Variants in SAMMSON observed in about 807,000 individuals in gnomAD.
SAMMSON encodes survival associated mitochondrial melanoma specific oncogenic non-coding RNA.
intron 9 of SAMMSON, among the ~76,000 whole-genome samples, chr3:70,364,820 TTTG>T (rs1200361989): frequency 6.6e-6 from 1 of 151,796 alleles, no homozygotes. Context: ...CTTACTGTAG[TTTG>T]TTTTCTCTCT....
At chr3:70,116,207 G>A (rs9855111) in intron 4 of SAMMSON, among the ~76,000 whole-genome samples, 40,640 of 151,052 alleles carry the variant, frequency 0.27, 5,744 homozygotes, top group East Asian at 0.43. Context: ...TCTGAGCACA[G>A]ATATTGGAAA....
chr3:70,428,623 C>T (rs771396292), intron 2 of SAMMSON, among the ~76,000 whole-genome samples: 2 of 152,118 alleles, frequency 1.3e-5, no homozygotes, highest in East Asian at 1.9e-4. Flanking sequence ...TTATATAGGA[C>T]GCTAGCATAG....
At chr3:70,100,564 A>G (rs1157948429) in intron 4 of SAMMSON, among the ~76,000 whole-genome samples, 1 of 152,058 alleles carries the variant, frequency 6.6e-6, no homozygotes, top group African/African-American at 2.4e-5. Context: ...TGAAGTCTAG[A>G]AAAAAACTCA....
chr3:70,305,853 G>C (rs9858666), intron 7 of SAMMSON, among the ~76,000 whole-genome samples: 31,402 of 152,082 alleles, frequency 0.21, 3,422 homozygotes, highest in South Asian at 0.28. Flanking sequence ...GGAATGAGAT[G>C]AGATTTTTCT....
chr3:70,378,073 C>G (rs927104912), intron 9 of SAMMSON, among the ~76,000 whole-genome samples: 2 of 151,792 alleles, frequency 1.3e-5, no homozygotes, highest in Non-Finnish European at 2.9e-5. Context: ...TCTTTCCCAG[C>G]AATTCCCCTT....
At chr3:70,052,640 A>C (rs1236690701) in intron 3 of SAMMSON, among the ~76,000 whole-genome samples, 2 of 152,066 alleles carry the variant, frequency 1.3e-5, no homozygotes, top group Non-Finnish European at 2.9e-5. Flanking sequence ...GCATATTTGC[A>C]TGTATGTTTA....
At position 70,163,126 on chromosome 3, in the gene SAMMSON, T is replaced by C. The variant is rs545241399; in HGVS notation, n.508-85981T>C. On this transcript the variant is annotated intron_variant and non_coding_transcript_variant, in intron 4 of 9. Coordinates refer to ENST00000642114, the Ensembl canonical transcript of SAMMSON. ...AACCTCTATCTTTTGATTGGATGCT[T>C]AATCTATTCACATTCAACGCAATGA... Among the ~76,000 whole-genome samples the C allele has an allele frequency of 2.7e-5, 4 of 149,692 alleles. No individual in the cohort carries two copies. In the South Asian group the frequency reaches 6.4e-4, roughly 24 times the overall value.
intron 3 of SAMMSON, among the ~76,000 whole-genome samples, chr3:70,062,998 C>T (rs571079339): frequency 6.6e-6 from 1 of 152,084 alleles, no homozygotes; most frequent in South Asian, 2.1e-4. Context: ...CCTGGTGTCC[C>T]TTCTGCCCTT....
intron 4 of SAMMSON, among the ~76,000 whole-genome samples, chr3:70,100,781 T>C (rs971881277): frequency 6.6e-6 from 1 of 152,152 alleles, no homozygotes; most frequent in Non-Finnish European, 1.5e-5. Context: ...AAAATCAACA[T>C]ACCAAACTGT....
intron 4 of SAMMSON, among the ~76,000 whole-genome samples, chr3:70,116,547 C>T (rs116374079): frequency 0.013 from 1,898 of 151,636 alleles, 18 homozygotes; most frequent in Middle Eastern, 0.024. Flanking sequence ...GTTTCATTTG[C>T]TTAAAATGAA....
At chr3:70,190,835 A>G (rs1321663698) in intron 4 of SAMMSON, among the ~76,000 whole-genome samples, 1 of 152,168 alleles carries the variant, frequency 6.6e-6, no homozygotes, top group Non-Finnish European at 1.5e-5. Context: ...GCAGTTTTAC[A>G]AACTCACTTT....
At position 70,190,282 on chromosome 3, in the gene SAMMSON, C is replaced by T. The variant is rs570600861; in HGVS notation, n.508-58825C>T. Among the ~76,000 whole-genome samples the T allele has an allele frequency of 8.2e-4, 125 of 152,270 alleles. 1 individual carries two copies. Among genetic ancestry groups the T allele is most frequent in the Non-Finnish European group, 1.6e-3 (106 of 68,006 alleles). On this transcript the variant is annotated intron_variant and non_coding_transcript_variant, in intron 4 of 9. Coordinates refer to ENST00000642114, the Ensembl canonical transcript of SAMMSON. Reference sequence around the variant, plus strand: ...ACCATCCTATTTCAAGCCTTCATCACCCCATGCCTTATTGCAATTGCACCT... The same window carrying T: ...ACCATCCTATTTCAAGCCTTCATCATCCCATGCCTTATTGCAATTGCACCT...
intron 4 of SAMMSON, among the ~76,000 whole-genome samples, chr3:70,201,923 G>A (rs916053962): frequency 1.3e-5 from 2 of 152,152 alleles, no homozygotes; most frequent in Admixed American, 6.5e-5. Context: ...GAAAATTCAG[G>A]GTGCTTCTCC....
At chr3:70,412,632 C>A (rs1701229408) in intron 2 of SAMMSON, among the ~76,000 whole-genome samples, 1 of 152,134 alleles carries the variant, frequency 6.6e-6, no homozygotes. Flanking sequence ...TATTTTAACA[C>A]GATATTTCCT....
intron 3 of SAMMSON, among the ~76,000 whole-genome samples, chr3:70,025,513 G>A (rs980727053): frequency 1.3e-5 from 2 of 152,188 alleles, no homozygotes; most frequent in Non-Finnish European, 1.5e-5. Flanking sequence ...AAAGTGCTGG[G>A]ATTACAGGCA....
intron 6 of SAMMSON, among the ~76,000 whole-genome samples, chr3:70,270,444 T>G (rs1339048125): frequency 6.6e-6 from 1 of 152,176 alleles, no homozygotes; most frequent in African/African-American, 2.4e-5. Flanking sequence ...AGCACTAAGT[T>G]TTGTGTTTCA....
intron 1 of SAMMSON, among the ~76,000 whole-genome samples, chr3:70,001,882 T>G (rs751158762): frequency 1.3e-5 from 2 of 152,200 alleles, no homozygotes; most frequent in Non-Finnish European, 2.9e-5. Flanking sequence ...GGTAGCCGAT[T>G]CCTGTTCTGC....
intron 4 of SAMMSON, among the ~76,000 whole-genome samples, chr3:70,103,946 T>C (rs1409559869): frequency 2.6e-5 from 4 of 151,986 alleles, no homozygotes; most frequent in Non-Finnish European, 4.4e-5. Context: ...ACTATTTGCA[T>C]GAAAATAAAG....
chr3:70,174,425 G>C (rs992991930), intron 4 of SAMMSON, among the ~76,000 whole-genome samples: 7 of 151,880 alleles, frequency 4.6e-5, no homozygotes, highest in African/African-American at 1.7e-4. Flanking sequence ...CCAGGCTCAG[G>C]GTCCAGCCAA....
Sources: allele counts gnomAD v4.1 joint callset (sites outside exome capture counted in the v4.1 genomes callset), GRCh38; gene constraint gnomAD v4.1.1; transcripts MANE v1.5; gene names NCBI Gene and HGNC (gene_info 2026-07-23, HGNC 2026-07-21).